MALRD1: variants seen among roughly 807,000 people sequenced by gnomAD.
MALRD1 encodes the protein MAM and LDL receptor class A domain containing 1, also known as MAM and LDL-receptor class A domain-containing protein 1.
MALRD1 carries 247 observed loss-of-function variants against 242.1 expected under a neutral mutation model. The observed-to-expected ratio is 1.02, with a 90% CI of 0.92 to 1.13. The LOEUF is 1.13. Among genes scored for constraint, MALRD1 ranks in the 50% most tolerant of loss-of-function variants. The probability of loss-of-function intolerance (pLI) is 0.00; values close to 1 mark genes in which losing one functional copy is unlikely to be tolerated. For missense variants in MALRD1, 2,989 were observed against 2,533.1 expected, an observed-to-expected ratio of 1.18 and a Z score of -3.86; for synonymous variants, 995 against 866.6, an observed-to-expected ratio of 1.15 and a Z score of -2.60.
chr10:19,051,728 T>TGA (rs1423915189), intron 1 of MALRD1: 1 of 154,408 alleles, frequency 6.5e-6, no homozygotes, highest in African/African-American at 2.4e-5. Flanking sequence ...ATGGAGACCA[T>TGA]CCTGGCTCAC....
chr10:19,725,185 C>T (rs562507653), intron 38 of MALRD1, among the ~76,000 whole-genome samples: 79 of 152,210 alleles, frequency 5.2e-4, no homozygotes, highest in Non-Finnish European at 8.7e-4. Context: ...ATGTCCCCAC[C>T]CAAATCTCAT....
At chr10:19,521,172 A>G (rs1219814264) in intron 31 of MALRD1, among the ~76,000 whole-genome samples, 1 of 152,140 alleles carries the variant, frequency 6.6e-6, no homozygotes, top group Non-Finnish European at 1.5e-5. Context: ...TCATCGTTTT[A>G]TAAGCATCTA....
intron 26 of MALRD1, among the ~76,000 whole-genome samples, chr10:19,354,463 T>A (rs1248773283): frequency 6.6e-6 from 1 of 152,066 alleles, no homozygotes; most frequent in Non-Finnish European, 1.5e-5. Context: ...AACACTAGAT[T>A]GTATTCCTTC....
At chr10:19,501,292 A>G (rs1203190177) in intron 31 of MALRD1, among the ~76,000 whole-genome samples, 1 of 152,180 alleles carries the variant, frequency 6.6e-6, no homozygotes, top group Non-Finnish European at 1.5e-5. Context: ...GATGTTTAGC[A>G]GCACTTGAGG....
At chr10:19,183,941 C>A (rs1835631312) in intron 14 of MALRD1, among the ~76,000 whole-genome samples, 1 of 152,170 alleles carries the variant, frequency 6.6e-6, no homozygotes, top group Admixed American at 6.5e-5. Context: ...AAACACCACA[C>A]ACTGATGATG....
At chr10:19,445,454 C>T (rs1194492986) in intron 28 of MALRD1, among the ~76,000 whole-genome samples, 3 of 152,076 alleles carry the variant, frequency 2.0e-5, no homozygotes, top group African/African-American at 7.2e-5. Flanking sequence ...TTTTATCTAC[C>T]TTTGGTCTTT....
intron 21 of MALRD1, among the ~76,000 whole-genome samples, chr10:19,303,205 A>G (rs1011600791): frequency 6.6e-6 from 1 of 151,714 alleles, no homozygotes; most frequent in African/African-American, 2.4e-5. Flanking sequence ...AAGATAATAT[A>G]CTATCCCAAG....
chr10:19,624,199 C>T (rs1466220225), intron 36 of MALRD1, among the ~76,000 whole-genome samples: 1 of 152,078 alleles, frequency 6.6e-6, no homozygotes, highest in African/African-American at 2.4e-5. Flanking sequence ...TGTGAAAATA[C>T]ATGTCCATAA....
At chr10:19,694,172 A>T (rs1232702416) in intron 38 of MALRD1, among the ~76,000 whole-genome samples, 5 of 152,250 alleles carry the variant, frequency 3.3e-5, no homozygotes, top group Non-Finnish European at 5.9e-5. Flanking sequence ...ATGGGCAAGG[A>T]CTTCATGTCC....
intron 38 of MALRD1, among the ~76,000 whole-genome samples, chr10:19,729,554 G>T (rs1317198524): frequency 2.0e-5 from 3 of 148,464 alleles, no homozygotes; most frequent in Admixed American, 2.0e-4. Context: ...CCTTTCTTAT[G>T]TGTGTGTGTG....
In MALRD1 at chr10:19,615,516, C is replaced by CAAAAAAAAAAAAAAAAAAA. The variant is rs530920512; in HGVS notation, c.6071-340_6071-322dup. On this transcript the variant is annotated intron_variant, in intron 35 of 39. Coordinates refer to ENST00000454679, the MANE Select transcript of MALRD1 (RefSeq NM_001142308.3). Reference sequence around the variant, plus strand: ...TGAATGACAGAGCAAGACCCTGCCTCAAAAAAAAAAAAAAAAAAAGAGGAA... The same window carrying CAAAAAAAAAAAAAAAAAAA: ...TGAATGACAGAGCAAGACCCTGCCTCAAAAAAAAAAAAAAAAAAAAAAAAAAAAAAAAAAAAAAGAGGAA... 7.8e-4 allele frequency among the ~76,000 whole-genome samples: 29 copies of CAAAAAAAAAAAAAAAAAAA among 37,184 alleles called. 1 individual carries two copies. The highest frequency in any genetic ancestry group is 2.1e-3 in the African/African-American group (15 of 7,058). The allele number at this position is 37,184 out of a possible 152,430, so 24.4% of individuals were successfully genotyped here.
At chr10:19,329,146 A>G (rs2130913772) in intron 23 of MALRD1, among the ~76,000 whole-genome samples, 1 of 152,358 alleles carries the variant, frequency 6.6e-6, no homozygotes, top group African/African-American at 2.4e-5. Context: ...AAAAGTAAAT[A>G]TTAATGGCTT....
chr10:19,385,308 G>A lies in MALRD1; in HGVS notation c.4442-2220G>A, dbSNP rs566981839. ...TCTCTTCAATTTTTTGGAAGAGTTTGAGAAGGATTAATGGCAATTCTTCTC... is the reference window on the plus strand; with the variant it reads ...TCTCTTCAATTTTTTGGAAGAGTTTAAGAAGGATTAATGGCAATTCTTCTC... On this transcript the variant is annotated intron_variant, in intron 26 of 39. Coordinates refer to ENST00000454679, the MANE Select transcript of MALRD1 (RefSeq NM_001142308.3). 3.3e-5 allele frequency among the ~76,000 whole-genome samples: 5 copies of A among 152,146 alleles called. No individual in the cohort carries two copies. The South Asian group carries it at 6.2e-4, about 19-fold the overall frequency.
At chr10:19,286,946 G>A (rs1240759335) in intron 21 of MALRD1, among the ~76,000 whole-genome samples, 2 of 151,144 alleles carry the variant, frequency 1.3e-5, no homozygotes, top group Non-Finnish European at 1.5e-5. Context: ...ACCGAATCCA[G>A]CAGCACATCA....
chr10:19,548,557 G>A (rs1012677706), intron 32 of MALRD1, among the ~76,000 whole-genome samples: 5 of 152,004 alleles, frequency 3.3e-5, no homozygotes, highest in Non-Finnish European at 4.4e-5. Context: ...AATTGTCACC[G>A]TGCCCGGCCT....
intron 19 of MALRD1, among the ~76,000 whole-genome samples, chr10:19,260,001 T>A (rs1302427772): frequency 6.6e-6 from 1 of 152,202 alleles, no homozygotes; most frequent in Non-Finnish European, 1.5e-5. Context: ...CCTACAACAG[T>A]ATTTGACACA....
chr10:19,374,908 T>C (rs1845534792), intron 26 of MALRD1, among the ~76,000 whole-genome samples: 1 of 152,228 alleles, frequency 6.6e-6, no homozygotes, highest in African/African-American at 2.4e-5. Context: ...GGCAGTCATG[T>C]AACCATCTAA....
At chr10:19,370,173 T>C (rs1283748107) in intron 26 of MALRD1, among the ~76,000 whole-genome samples, 7 of 152,280 alleles carry the variant, frequency 4.6e-5, no homozygotes, top group Non-Finnish European at 8.8e-5. Context: ...TACCTGTAGA[T>C]CTACAACTGG....
At position 19,109,715 on chromosome 10, in the gene MALRD1, A is replaced by C. The variant is rs1836607952; in HGVS notation, c.694+5640A>C. On this transcript the variant is annotated intron_variant, in intron 5 of 39. Transcript: ENST00000454679. ...GATGGGGAGATGCAGTGGCTACTGG[A>C]TCCCAGAGAAAGATGCACTCTAGTC... 4.6e-5 allele frequency among the ~76,000 whole-genome samples: 7 copies of C among 152,210 alleles called. No homozygotes were observed. In the South Asian group the frequency reaches 1.2e-3, roughly 27 times the overall value.
Sources: allele counts gnomAD v4.1 joint callset (sites outside exome capture counted in the v4.1 genomes callset), GRCh38; gene constraint gnomAD v4.1.1; transcripts MANE v1.5; gene names NCBI Gene and HGNC (gene_info 2026-07-23, HGNC 2026-07-21).